Variants in EPM2A observed in about 807,000 individuals in gnomAD.
EPM2A encodes the protein EPM2A glucan phosphatase, laforin, also known as laforin.
EPM2A carries 21 observed loss-of-function variants against 26.5 expected under a neutral mutation model. The ratio of observed to expected loss-of-function variants is 0.79; its 90% CI spans 0.56 to 1.14. The LOEUF (loss-of-function observed/expected upper bound fraction) is 1.14, where lower values mean the gene tolerates loss of function less well. EPM2A is among the 50% of genes most tolerant of loss of function. The pLI is 0.00. For synonymous variants in EPM2A, 217 were observed against 177.6 expected, an observed-to-expected ratio of 1.22 and a Z score of -1.76; for missense variants, 458 against 440.8, an observed-to-expected ratio of 1.04 and a Z score of -0.35.
chr6:145,430,198 A>G (rs992749029), intron 4 of EPM2A, among the ~76,000 whole-genome samples: 2 of 151,954 alleles, frequency 1.3e-5, no homozygotes, highest in Non-Finnish European at 2.9e-5. Flanking sequence ...GTCTCAAATA[A>G]ATAAATAAAA....
At chr6:145,714,434 C>T (rs77365967) in intron 1 of EPM2A, among the ~76,000 whole-genome samples, 16 of 152,212 alleles carry the variant, frequency 1.1e-4, no homozygotes, top group African/African-American at 1.9e-4. Flanking sequence ...GTTTCTATGG[C>T]GTATTTCTGG....
chr6:145,549,318 T>C (rs1398521291), intron 2 of EPM2A, among the ~76,000 whole-genome samples: 1 of 152,174 alleles, frequency 6.6e-6, no homozygotes, highest in Non-Finnish European at 1.5e-5. Context: ...AGCCTACTTA[T>C]CATTGTTAAA....
chr6:145,598,572 G>C (rs1026042587), intron 2 of EPM2A, among the ~76,000 whole-genome samples: 5 of 152,094 alleles, frequency 3.3e-5, no homozygotes, highest in African/African-American at 1.2e-4. Flanking sequence ...TTACTCTGTT[G>C]ATAGTTTCTT....
At chr6:145,594,595 T>C (rs1410498801) in intron 2 of EPM2A, among the ~76,000 whole-genome samples, 1 of 151,800 alleles carries the variant, frequency 6.6e-6, no homozygotes, top group South Asian at 2.1e-4. Flanking sequence ...ATACAAAAAA[T>C]TCTACACCAT....
At chr6:145,599,576 T>C (rs1021214223) in intron 2 of EPM2A, among the ~76,000 whole-genome samples, 4 of 151,990 alleles carry the variant, frequency 2.6e-5, no homozygotes, top group African/African-American at 9.6e-5. Context: ...GATACAATAA[T>C]TTGATCTTTT....
At position 145,557,824 on chromosome 6, in the gene EPM2A, A is replaced by G. The variant is rs1034635383; in HGVS notation, c.341-55249T>C. Among the ~76,000 whole-genome samples, 3 of 152,050 alleles carry G rather than the reference A, an allele frequency of 2.0e-5. No homozygotes were observed. The South Asian group carries it at 6.2e-4, about 31-fold the overall frequency. On this transcript the variant is annotated intron_variant, in intron 2 of 3. Transcript: ENST00000450221. ...CTATAATCATCATGTTGTACAATAG[A>G]TCTCTTGAACTTGTTCCTCCTAACT...
intron 4 of EPM2A, among the ~76,000 whole-genome samples, chr6:145,471,985 G>A (rs1345796072): frequency 6.6e-6 from 1 of 150,982 alleles, no homozygotes; most frequent in Non-Finnish European, 1.5e-5. Flanking sequence ...GCTCAGTTGG[G>A]TACTTTAAGA....
At chr6:145,702,954 A>G (rs949885610) in intron 1 of EPM2A, among the ~76,000 whole-genome samples, 5 of 152,232 alleles carry the variant, frequency 3.3e-5, no homozygotes, top group African/African-American at 1.2e-4. Flanking sequence ...TGCAAATGTA[A>G]GAGTTAACTT....
At chr6:145,678,442 C>G (rs774446783) in intron 2 of EPM2A, among the ~76,000 whole-genome samples, 18 of 152,084 alleles carry the variant, frequency 1.2e-4, no homozygotes, top group Non-Finnish European at 2.9e-5. Context: ...GCAAAAGAAC[C>G]TCCATCAGAG....
chr6:145,632,234 T>C (rs1228896808), intron 3 of EPM2A: 2 of 152,220 alleles, frequency 1.3e-5, no homozygotes, highest in African/African-American at 4.8e-5. Flanking sequence ...AGGTCAGCAT[T>C]TCCGTGCAAT....
chr6:145,649,330 T>C (rs1264062299), intron 2 of EPM2A, among the ~76,000 whole-genome samples: 1 of 152,156 alleles, frequency 6.6e-6, no homozygotes, highest in African/African-American at 2.4e-5. Flanking sequence ...TTAATGCATA[T>C]CTCACAGCAT....
intron 1 of EPM2A, among the ~76,000 whole-genome samples, chr6:145,714,562 G>A (rs1004934447): frequency 2.0e-5 from 3 of 152,164 alleles, no homozygotes; most frequent in African/African-American, 7.2e-5. Flanking sequence ...AAGTGTATTA[G>A]TCCATTTTCA....
intron 4 of EPM2A, among the ~76,000 whole-genome samples, chr6:145,483,488 A>G (rs550565064): frequency 1.1e-4 from 16 of 152,134 alleles, no homozygotes; most frequent in Non-Finnish European, 2.2e-4. Context: ...TCAATCTGCC[A>G]TGTCCCTGAA....
intron 2 of EPM2A, among the ~76,000 whole-genome samples, chr6:145,581,295 T>G (rs1418365696): frequency 2.6e-5 from 4 of 152,168 alleles, no homozygotes; most frequent in Non-Finnish European, 5.9e-5. Context: ...TGCGTGTATG[T>G]GTTCTTTGAA....
chr6:145,658,424 T>C (rs1013916668), intron 2 of EPM2A, among the ~76,000 whole-genome samples: 8 of 152,322 alleles, frequency 5.3e-5, no homozygotes, highest in Admixed American at 1.3e-4. Flanking sequence ...TTACTATTAC[T>C]AGAACTCTGA....
chr6:145,630,485 T>C (rs1776168364), intron 3 of EPM2A: 1 of 150,806 alleles, frequency 6.6e-6, no homozygotes, highest in South Asian at 2.1e-4. Context: ...CATGGTGGTA[T>C]ACACCTGTAA....
intron 4 of EPM2A, among the ~76,000 whole-genome samples, chr6:145,388,632 T>C (rs1243607652): frequency 6.6e-6 from 1 of 152,146 alleles, no homozygotes; most frequent in African/African-American, 2.4e-5. Context: ...ATCATCTACA[T>C]TAGGTATTTC....
intron 2 of EPM2A, among the ~76,000 whole-genome samples, chr6:145,673,192 T>A (rs1426337531): frequency 6.6e-6 from 1 of 151,682 alleles, no homozygotes; most frequent in East Asian, 1.9e-4. Context: ...AAAAACAGAA[T>A]AATATTTTTA....
At chr6:145,729,688 A>G (rs1385868264) in intron 1 of EPM2A, among the ~76,000 whole-genome samples, 2 of 152,196 alleles carry the variant, frequency 1.3e-5, no homozygotes, top group Non-Finnish European at 2.9e-5. Flanking sequence ...GCCAAAAGGG[A>G]CTTGCCTTGT....
Sources: gnomAD v4.1 joint callset for allele counts (sites outside exome capture counted in the v4.1 genomes callset) on GRCh38, gnomAD v4.1.1 for gene constraint, MANE v1.5 for transcripts, NCBI Gene and HGNC (gene_info 2026-07-23, HGNC 2026-07-21) for gene names.